CCND1: variants seen among roughly 807,000 people sequenced by gnomAD.
CCND1 encodes cyclin D1.
CCND1 carries 9 observed loss-of-function variants against 26.1 expected under a neutral mutation model. The ratio of observed to expected loss-of-function variants is 0.35; its 90% CI spans 0.21 to 0.60. CCND1 has a LOEUF of 0.60. Among genes scored for constraint, CCND1 ranks in the 20% least tolerant of loss-of-function variants. The probability of loss-of-function intolerance (pLI) is 0.79; values close to 1 mark genes in which losing one functional copy is unlikely to be tolerated. For missense variants in CCND1, 335 were observed against 392.9 expected, an observed-to-expected ratio of 0.85 and a Z score of 1.25; for synonymous variants, 194 against 166.1, an observed-to-expected ratio of 1.17 and a Z score of -1.29.
Position 69,643,177 on chromosome 11 carries a change from G to A in CCND1, c.345G>A (p.Glu115=). 1 of 1,608,344 alleles carries A rather than the reference G, an allele frequency of 6.2e-7. No homozygotes were observed. The highest frequency in any genetic ancestry group is 8.5e-7 in the Non-Finnish European group (1 of 1,177,752). ...TCMFVASKMK[E]TIPLTAEKLC... ...TGTTCGTGGCCTCTAAGATGAAGGA[G>A]ACCATCCCCCTGACGGCCGAGAAGC... Residue 115 remains glutamate (E), a synonymous_variant, in exon 2 of 5, where the codon GAG becomes GAA. Coordinates refer to ENST00000227507, the MANE Select transcript of CCND1 (RefSeq NM_053056.3).
chr11:69,649,489 C>T (rs1196572955), intron 4 of CCND1, among the ~76,000 whole-genome samples: 1 of 152,154 alleles, frequency 6.6e-6, no homozygotes, highest in Non-Finnish European at 1.5e-5. Flanking sequence ...TAGCTGAGCC[C>T]AGACTCAGAA....
intron 3 of CCND1, among the ~76,000 whole-genome samples, chr11:69,647,772 G>A (rs938385202): frequency 2.0e-5 from 3 of 152,154 alleles, no homozygotes; most frequent in Non-Finnish European, 2.9e-5. Context: ...GTCAACAGTG[G>A]GGCTGACGTT....
chr11:69,644,113 G>T (rs1415591787), intron 3 of CCND1, 122 bp downstream of exon 3: 6 of 896,444 alleles, frequency 6.7e-6, no homozygotes, highest in Non-Finnish European at 1.1e-5. Flanking sequence ...CCCCTCCTGC[G>T]CTGGAGAGCG....
Position 69,653,362 on chromosome 11 carries a change from C to T in CCND1, c.*2080C>T. ...TTTTGTTTTACAATGTCATATACTG[C>T]CATGTACTAGTTTTAGTTTTCTCTT... On this transcript the variant is annotated 3_prime_UTR_variant, in exon 5 of 5. Transcript: ENST00000227507. 2.9e-6 allele frequency: 2 copies of T among 699,040 alleles called. No individual in the cohort carries two copies. The highest frequency in any genetic ancestry group is 5.2e-6 in the Non-Finnish European group (2 of 383,948). 43.3% of individuals were successfully genotyped at this position (699,040 alleles called of 1,614,324 possible). A position where few individuals can be genotyped will look rare whatever the true frequency, so the allele number is the denominator to read the frequency against.
intron 4 of CCND1, among the ~76,000 whole-genome samples, chr11:69,649,968 T>C (rs574819837): frequency 2.0e-5 from 3 of 152,318 alleles, no homozygotes; most frequent in Admixed American, 1.3e-4. Flanking sequence ...GATGAGAATT[T>C]ATCTGAGGGG....
At chr11:69,649,603 C>T (rs1490758132) in intron 4 of CCND1, among the ~76,000 whole-genome samples, 3 of 152,220 alleles carry the variant, frequency 2.0e-5, no homozygotes, top group Non-Finnish European at 2.9e-5. Flanking sequence ...CAGTGCCACA[C>T]ACCAGTGACT....
intron 3 of CCND1, among the ~76,000 whole-genome samples, chr11:69,644,712 C>T (rs1370557082): frequency 1.3e-5 from 2 of 152,220 alleles, no homozygotes; most frequent in African/African-American, 2.4e-5. Context: ...TGGGGACAGA[C>T]TCGCACATAC....
intron 2 of CCND1, 125 bp from the exon 3 acceptor site, chr11:69,643,707 C>G (rs973159665): frequency 1.1e-4 from 97 of 853,806 alleles, no homozygotes; most frequent in Admixed American, 4.9e-4. Flanking sequence ...CAGGACCGCA[C>G]GAGACGCAGG....
At chr11:69,644,168 C>G (rs1445908705) in intron 3 of CCND1, 177 bp downstream of exon 3, 1 of 661,656 alleles carries the variant, frequency 1.5e-6, no homozygotes, top group Admixed American at 2.4e-5. Context: ...GTTTGTCGCG[C>G]TGGATGGAGG....
In CCND1 at chr11:69,653,349, A is replaced by G. The variant is rs187991526; in HGVS notation, c.*2067A>G. The G allele has an allele frequency of 4.1e-4, 285 of 701,818 alleles. 1 individual carries two copies. Among genetic ancestry groups the G allele is most frequent in the African/African-American group, 4.0e-3 (226 of 57,164 alleles). 43.5% of individuals were successfully genotyped at this position (701,818 alleles called of 1,614,324 possible). A position where few individuals can be genotyped will look rare whatever the true frequency, so the allele number is the denominator to read the frequency against. On this transcript the variant is annotated 3_prime_UTR_variant, in exon 5 of 5. Coordinates refer to ENST00000227507, the MANE Select transcript of CCND1 (RefSeq NM_053056.3). ...TGGAGGATCAGTTTTTTGTTTTACA[A>G]TGTCATATACTGCCATGTACTAGTT... is the stretch of plus-strand genomic sequence containing the variant.
At chr11:69,643,319 G>T in intron 2 of CCND1, 73 bp downstream of exon 2, 1 of 1,272,058 alleles carries the variant, frequency 7.9e-7, no homozygotes. Flanking sequence ...GGAAGGTGCA[G>T]GCGGTGGCGG....
At chr11:69,645,048 T>C (rs1855761749) in intron 3 of CCND1, among the ~76,000 whole-genome samples, 1 of 152,128 alleles carries the variant, frequency 6.6e-6, no homozygotes, top group South Asian at 2.1e-4. Flanking sequence ...TGGGTTCTGG[T>C]TTAGGCGTGA....
chr11:69,650,308 G>T (rs1266245006), intron 4 of CCND1, among the ~76,000 whole-genome samples: 2 of 152,254 alleles, frequency 1.3e-5, no homozygotes, highest in Non-Finnish European at 2.9e-5. Context: ...GCCACTTCAG[G>T]CTGCGTGGGA....
At position 69,654,346 on chromosome 11, in the gene CCND1, G is replaced by A. The variant is rs919056104; in HGVS notation, c.*3064G>A. 7.1e-6 allele frequency: 5 copies of A among 702,400 alleles called. No homozygotes were observed. The highest frequency in any genetic ancestry group is 2.0e-5 in the Admixed American group (1 of 49,994). The allele number at this position is 702,400 out of a possible 1,614,324, so 43.5% of individuals were successfully genotyped here. A position where few individuals can be genotyped will look rare whatever the true frequency, so the allele number is the denominator to read the frequency against. ...GCGCAAGTCTGAGGGTCTGGGCGGCGGGCGGCTGGGTCTGTGCATTTCTGG... is the reference window on the plus strand; with the variant it reads ...GCGCAAGTCTGAGGGTCTGGGCGGCAGGCGGCTGGGTCTGTGCATTTCTGG... On this transcript the variant is annotated 3_prime_UTR_variant, in exon 5 of 5. Transcript: ENST00000227507. This position sits in a 1 kb window ranked among gnomAD's most constrained non-coding sequence, Gnocchi z 6.3.
At chr11:69,642,248 G>A (rs1461491231) in intron 1 of CCND1, among the ~76,000 whole-genome samples, 1 of 152,238 alleles carries the variant, frequency 6.6e-6, no homozygotes, top group Non-Finnish European at 1.5e-5. Flanking sequence ...CAAGACGCCA[G>A]GGCTTGATCC....
At position 69,641,260 on chromosome 11, in the gene CCND1, C is replaced by G. The variant is rs986874590; in HGVS notation, c.-54C>G. 27 of 1,539,690 alleles carry G rather than the reference C, an allele frequency of 1.8e-5. No homozygotes were observed. The highest frequency in any genetic ancestry group is 4.1e-5 in the African/African-American group (3 of 73,662). On this transcript the variant is annotated 5_prime_UTR_variant, in exon 1 of 5. Transcript: ENST00000227507. Reference sequence around the variant, plus strand: ...GGGCAGCAGAAGCGAGAGCCGAGCGCGGACCCAGCCAGGACCCACAGCCCT... The same window carrying G: ...GGGCAGCAGAAGCGAGAGCCGAGCGGGGACCCAGCCAGGACCCACAGCCCT...
At position 69,653,224 on chromosome 11, in the gene CCND1, A is replaced by G. The variant is rs1855878093; in HGVS notation, c.*1942A>G. On this transcript the variant is annotated 3_prime_UTR_variant, in exon 5 of 5. Transcript: ENST00000227507. ...GGTGCCCACACCGGGGACAGGCCGC[A>G]GCTCCATTTTCTTATTGCGCTGCTA... 1.4e-6 allele frequency: 1 copy of G among 700,086 alleles called. No individual in the cohort carries two copies. Among genetic ancestry groups the G allele is most frequent in the East Asian group, 2.7e-5 (1 of 37,206 alleles). The allele number at this position is 700,086 out of a possible 1,614,324, so 43.4% of individuals were successfully genotyped here.
chr11:69,641,875 C>G (rs1170194304), intron 1 of CCND1, among the ~76,000 whole-genome samples: 2 of 152,126 alleles, frequency 1.3e-5, no homozygotes, highest in African/African-American at 4.8e-5. Flanking sequence ...CGGCCGGGAG[C>G]CGCCAACTCC....
chr11:69,643,768 G>C (rs1855742813), intron 2 of CCND1, 64 bp from the exon 3 acceptor site: 2 of 1,527,622 alleles, frequency 1.3e-6, no homozygotes, highest in East Asian at 2.3e-5. Flanking sequence ...CCGTGCTGCC[G>C]GCTTCCCCGC....
Sources: gnomAD v4.1 joint callset for allele counts (sites outside exome capture counted in the v4.1 genomes callset) on GRCh38, gnomAD v4.1.1 for gene constraint, Gnocchi (gnomAD v3.1) non-coding constraint, MANE v1.5 for transcripts, NCBI Gene and HGNC (gene_info 2026-07-23, HGNC 2026-07-21) for gene names.